NHSL3: variants seen among roughly 807,000 people sequenced by gnomAD.
NHSL3 encodes NHS like 3.
the NHSL3 span, among the ~76,000 whole-genome samples, chr1:32,744,635 G>A: frequency 6.6e-6 from 1 of 152,138 alleles, no homozygotes; most frequent in Non-Finnish European, 1.5e-5. Context: ...GAGAGTATCA[G>A]AATCAGGCCA....
the NHSL3 span, chr1:32,742,237 C>T: frequency 8.1e-6 from 10 of 1,234,492 alleles, no homozygotes; most frequent in South Asian, 3.6e-5. Context: ...GTCGAGGGTG[C>T]GGCCGAGGGG....
At chr1:32,745,823 T>G in the NHSL3 span, among the ~76,000 whole-genome samples, 1 of 152,136 alleles carries the variant, frequency 6.6e-6, no homozygotes, top group African/African-American at 2.4e-5. Flanking sequence ...ATTAGTTAAG[T>G]TCACCCTGAT....
the NHSL3 span, among the ~76,000 whole-genome samples, chr1:32,743,297 T>A: frequency 9.9e-5 from 15 of 152,036 alleles, no homozygotes; most frequent in Admixed American, 1.3e-4. Context: ...TCTGGGAGAG[T>A]TAGAAGGAAC....
At chr1:32,752,077 T>C in the NHSL3 span, among the ~76,000 whole-genome samples, 1 of 152,190 alleles carries the variant, frequency 6.6e-6, no homozygotes, top group Admixed American at 6.5e-5. Context: ...GGCTAGCTGA[T>C]CTCCGAGGTC....
At chr1:32,772,101 C>T in the NHSL3 span, 1 of 1,613,280 alleles carries the variant, frequency 6.2e-7, no homozygotes, top group Non-Finnish European at 8.5e-7. Context: ...GTTTCATCTT[C>T]TCCAAGGGCT....
chr1:32,754,129 C>T, the NHSL3 span: 4 of 711,566 alleles, frequency 5.6e-6, no homozygotes, highest in South Asian at 3.0e-5. Context: ...CCCCAGCGGT[C>T]CCCGGGTCCG....
the NHSL3 span, among the ~76,000 whole-genome samples, chr1:32,744,968 T>C: frequency 7.9e-5 from 12 of 151,248 alleles, no homozygotes; most frequent in Non-Finnish European, 1.6e-4. Context: ...TCTACTAAAA[T>C]ACAAAAAATT....
the NHSL3 span, among the ~76,000 whole-genome samples, chr1:32,761,283 G>A: frequency 3.9e-5 from 6 of 152,184 alleles, no homozygotes; most frequent in Non-Finnish European, 8.8e-5. Context: ...AGGTTGCTGA[G>A]CCCCTCCCCA....
At chr1:32,757,194 A>G in the NHSL3 span, among the ~76,000 whole-genome samples, 150,256 of 152,282 alleles carry the variant, frequency 0.99, 74,159 homozygotes, top group South Asian at 1. Flanking sequence ...TACTCATTTC[A>G]TTAGTCTGTG....
chr1:32,763,400 A>G, the NHSL3 span, among the ~76,000 whole-genome samples: 1 of 151,976 alleles, frequency 6.6e-6, no homozygotes, highest in East Asian at 1.9e-4. Flanking sequence ...TCCATTGCTC[A>G]ATCCTCCAGC....
chr1:32,758,846 C>T, the NHSL3 span, among the ~76,000 whole-genome samples: 1 of 152,126 alleles, frequency 6.6e-6, no homozygotes, highest in Non-Finnish European at 1.5e-5. Flanking sequence ...TAGGAATCCT[C>T]ACTCCAGGGC....
chr1:32,754,945 G>C, the NHSL3 span, among the ~76,000 whole-genome samples: 1,176 of 97,036 alleles, frequency 0.012, 20 homozygotes, highest in African/African-American at 0.04. Context: ...CCGTCCCCAC[G>C]GTCCCCGAGG....
At chr1:32,742,045 G>A in the NHSL3 span, 1 of 1,260,586 alleles carries the variant, frequency 7.9e-7, no homozygotes, top group Non-Finnish European at 1.0e-6. Flanking sequence ...CCGCTCCGGC[G>A]CGTCCGGCCT....
At chr1:32,772,380 G>A in the NHSL3 span, 141 of 1,571,524 alleles carry the variant, frequency 9.0e-5, no homozygotes, top group Non-Finnish European at 1.1e-4. Flanking sequence ...GGGAGCTGGC[G>A]GAGAATGGAG....
the NHSL3 span, chr1:32,772,296 C>T: frequency 6.5e-7 from 1 of 1,541,736 alleles, no homozygotes; most frequent in East Asian, 2.2e-5. Flanking sequence ...CCGCCTCCCC[C>T]AGTTACCCTC....
At chr1:32,764,328 A>G in the NHSL3 span, among the ~76,000 whole-genome samples, 1 of 151,944 alleles carries the variant, frequency 6.6e-6, no homozygotes, top group Non-Finnish European at 1.5e-5. Flanking sequence ...AACTCAACTC[A>G]TAACATGTTC....
the NHSL3 span, among the ~76,000 whole-genome samples, chr1:32,744,530 G>C: frequency 2.0e-5 from 3 of 152,186 alleles, no homozygotes; most frequent in African/African-American, 7.2e-5. Context: ...CAAGGACATA[G>C]AGCAGCAGGT....
the NHSL3 span, chr1:32,765,491 C>A: frequency 1.6e-6 from 1 of 638,930 alleles, no homozygotes; most frequent in Non-Finnish European, 2.6e-6. Context: ...TCATACTCTA[C>A]TGGAGCAGAG....
At chr1:32,760,672 C>G in the NHSL3 span, among the ~76,000 whole-genome samples, 1 of 151,214 alleles carries the variant, frequency 6.6e-6, no homozygotes, top group Non-Finnish European at 1.5e-5. Flanking sequence ...CTCACTGCAA[C>G]CTTCGCCTCC....
Sources: gnomAD v4.1 joint callset for allele counts (sites outside exome capture counted in the v4.1 genomes callset) on GRCh38, gnomAD v4.1.1 for gene constraint, MANE v1.5 for transcripts, NCBI Gene and HGNC (gene_info 2026-07-23, HGNC 2026-07-21) for gene names.